PLD1: variants seen among roughly 807,000 people sequenced by gnomAD.
PLD1 encodes phospholipase D1.
Under a neutral mutation model 137.1 loss-of-function variants are expected in PLD1, and 112 were observed. The observed-to-expected ratio is 0.82, with a 90% CI of 0.70 to 0.96. PLD1 has a LOEUF of 0.96. Among genes scored for constraint, PLD1 ranks in the 40% least tolerant of loss-of-function variants. PLD1 has a pLI of 0.00. For missense variants in PLD1, 1,321 were observed against 1,342.0 expected (o/e 0.98, Z 0.24); for synonymous variants, 431 against 454.7 (o/e 0.95, Z 0.66).
chr3:171,683,714 T>C (rs900846901), intron 16 of PLD1, among the ~76,000 whole-genome samples: 1 of 152,220 alleles, frequency 6.6e-6, no homozygotes, highest in Admixed American at 6.5e-5. Context: ...TGTGTTTGAC[T>C]CTCTATTTGT....
chr3:171,788,840 T>C (rs1723113741), intron 1 of PLD1: 1 of 152,256 alleles, frequency 6.6e-6, no homozygotes, highest in Non-Finnish European at 1.5e-5. Flanking sequence ...GGTAATTTGT[T>C]TGAGCTTAGA....
chr3:171,710,873 T>C (rs1277246360), intron 9 of PLD1, among the ~76,000 whole-genome samples: 1 of 47,740 alleles, frequency 2.1e-5, no homozygotes, highest in Non-Finnish European at 4.2e-5. Flanking sequence ...AAAACTGTTC[T>C]TTTTTTTTTT....
intron 1 of PLD1, among the ~76,000 whole-genome samples, chr3:171,788,257 T>A (rs2108348315): frequency 9.5e-6 from 1 of 105,584 alleles, no homozygotes; most frequent in Non-Finnish European, 2.0e-5. Flanking sequence ...CTTCTTTTTT[T>A]TTTTTTTTTT....
Position 171,692,379 on chromosome 3 carries a change from T to TATTG in PLD1, c.1287_1290dup (p.Ser431GlnfsTer2). The TATTG allele has an allele frequency of 2.5e-6, 4 of 1,601,948 alleles. No individual in the cohort carries two copies. The highest frequency in any genetic ancestry group is 3.4e-6 in the Non-Finnish European group (4 of 1,168,768). On this transcript the variant is annotated frameshift_variant, in exon 13 of 27. Transcript: ENST00000351298. LOFTEE classifies it high-confidence loss of function. ...ATCAAAGTCCTCTTGGTGTATTCAC[T>TATTG]ATTGATGCCAAGAGCGAGTTCCACC...
chr3:171,802,704 C>T (rs145247437), intron 1 of PLD1, among the ~76,000 whole-genome samples: 18 of 152,310 alleles, frequency 1.2e-4, no homozygotes, highest in Admixed American at 2.0e-4. Flanking sequence ...CCCTGCAACA[C>T]GCTAGCTGCC....
intron 1 of PLD1, among the ~76,000 whole-genome samples, chr3:171,808,158 C>A (rs1441987676): frequency 2.6e-5 from 4 of 152,068 alleles, no homozygotes; most frequent in African/African-American, 4.8e-5. Context: ...AGTTGTACCC[C>A]CAACCTCAGC....
At chr3:171,636,652 G>A (rs987248803) in intron 23 of PLD1, among the ~76,000 whole-genome samples, 1 of 151,844 alleles carries the variant, frequency 6.6e-6, no homozygotes, top group African/African-American at 2.4e-5. Context: ...TTTATTATCT[G>A]TAATAGTATG....
intron 23 of PLD1, among the ~76,000 whole-genome samples, chr3:171,626,391 G>C (rs1311412018): frequency 6.6e-6 from 1 of 152,200 alleles, no homozygotes; most frequent in Non-Finnish European, 1.5e-5. Context: ...GTACCTGAAA[G>C]TGACAGGGAG....
At chr3:171,788,475 G>T (rs1336903087) in intron 1 of PLD1, 1 of 152,086 alleles carries the variant, frequency 6.6e-6, no homozygotes, top group Non-Finnish European at 1.5e-5. Flanking sequence ...TTCAGTTAGT[G>T]CTTCAATAAA....
chr3:171,753,489 G>T (rs1006022172), intron 1 of PLD1, among the ~76,000 whole-genome samples: 1 of 152,182 alleles, frequency 6.6e-6, no homozygotes, highest in African/African-American at 2.4e-5. Flanking sequence ...TTCACTCAAT[G>T]GATATTTATT....
chr3:171,712,766 G>C (rs1189429657), intron 9 of PLD1, among the ~76,000 whole-genome samples: 2 of 152,186 alleles, frequency 1.3e-5, no homozygotes, highest in African/African-American at 2.4e-5. Context: ...TAAAGTAAGG[G>C]ACCAGTGAGA....
At chr3:171,717,829 CT>C (rs1385380432) in intron 8 of PLD1, among the ~76,000 whole-genome samples, 2 of 152,160 alleles carry the variant, frequency 1.3e-5, no homozygotes, top group Non-Finnish European at 2.9e-5. Flanking sequence ...ATACTTCCAG[CT>C]CTTGTCCAGT....
At position 171,726,018 on chromosome 3, in the gene PLD1, A is replaced by G. The variant is rs942903824; in HGVS notation, c.665T>C (p.Ile222Thr). ...SFIHDLGPKG[I>T]EGMIMKRSGG... is the part of the protein sequence containing the mutation. The stretch of plus-strand genomic sequence containing the variant: ...TCTTTTAAGGTTTATTGCAACTTAC[A>G]TGCCCTTTGGTCCCAAATCATGGAT... Residue 222 changes from isoleucine to threonine, a missense_variant and splice_region_variant, in exon 7 of 27, where the codon ATA becomes ACA. Physicochemically the swap from Ile to Thr is moderately conservative, Grantham distance 89 (BLOSUM62 -1). Coordinates refer to ENST00000351298, the MANE Select transcript of PLD1 (RefSeq NM_002662.5). The G allele has an allele frequency of 2.5e-6, 4 of 1,602,682 alleles. No homozygotes were observed. Among genetic ancestry groups the G allele is most frequent in the Non-Finnish European group, 3.4e-6 (4 of 1,169,730 alleles).
chr3:171,685,009 C>T (rs1030217193), intron 16 of PLD1, among the ~76,000 whole-genome samples: 1 of 152,212 alleles, frequency 6.6e-6, no homozygotes, highest in African/African-American at 2.4e-5. Flanking sequence ...TAAAATGCAG[C>T]GTAGCTGGAC....
At chr3:171,744,550 C>T (rs1481800920) in intron 1 of PLD1, among the ~76,000 whole-genome samples, 5 of 152,190 alleles carry the variant, frequency 3.3e-5, no homozygotes, top group South Asian at 2.1e-4. Context: ...ACACCCTCCA[C>T]GTGGCCTAAT....
intron 1 of PLD1, among the ~76,000 whole-genome samples, chr3:171,772,511 C>G (rs574434656): frequency 2.6e-5 from 4 of 152,290 alleles, no homozygotes; most frequent in South Asian, 4.1e-4. Context: ...TCTACCCACT[C>G]CCAGGTCAGG....
intron 1 of PLD1, among the ~76,000 whole-genome samples, chr3:171,762,636 G>A (rs111455160): frequency 6.6e-5 from 10 of 152,308 alleles, no homozygotes; most frequent in African/African-American, 1.2e-4. Flanking sequence ...AGGAGCTCAC[G>A]TGAGTGGAAA....
intron 1 of PLD1, among the ~76,000 whole-genome samples, chr3:171,783,523 A>G (rs1722874791): frequency 6.6e-6 from 1 of 152,186 alleles, no homozygotes. Flanking sequence ...TGAGGATATT[A>G]CAAGACAGAG....
chr3:171,738,572 C>G (rs1719552504), intron 1 of PLD1, among the ~76,000 whole-genome samples: 1 of 152,038 alleles, frequency 6.6e-6, no homozygotes, highest in African/African-American at 2.4e-5. Context: ...CATAATATTT[C>G]TACATTTTCT....
Sources: gnomAD v4.1 joint callset for allele counts (sites outside exome capture counted in the v4.1 genomes callset) on GRCh38, gnomAD v4.1.1 for gene constraint, MANE v1.5 for transcripts, NCBI Gene and HGNC (gene_info 2026-07-23, HGNC 2026-07-21) for gene names.